Variants in MICU1 observed in about 807,000 individuals in gnomAD.
MICU1 encodes the protein calcium uptake protein 1, mitochondrial.
Under a neutral mutation model 56.8 loss-of-function variants are expected in MICU1, and 45 were observed. The ratio of observed to expected loss-of-function variants is 0.79; its 90% CI spans 0.62 to 1.02. The LOEUF (loss-of-function observed/expected upper bound fraction) is 1.02. MICU1 is among the 50% of genes least tolerant of loss of function. The pLI is 0.00. For missense variants in MICU1, 504 were observed against 587.1 expected, an observed-to-expected ratio of 0.86 and a Z score of 1.46; for synonymous variants, 186 against 195.1, an observed-to-expected ratio of 0.95 and a Z score of 0.39.
chr10:72,563,499 C>T (rs1840349906), intron 2 of MICU1, among the ~76,000 whole-genome samples: 1 of 152,132 alleles, frequency 6.6e-6, no homozygotes, highest in Non-Finnish European at 1.5e-5. Flanking sequence ...TGTATGACTT[C>T]ACTTACATGA....
At chr10:72,545,548 A>T (rs971423845) in intron 4 of MICU1, among the ~76,000 whole-genome samples, 6 of 152,222 alleles carry the variant, frequency 3.9e-5, no homozygotes, top group Admixed American at 3.9e-4. Context: ...GAGTTAAATT[A>T]TTATGTAAGA....
chr10:72,610,790 C>G (rs1841823341), intron 1 of MICU1, among the ~76,000 whole-genome samples: 1 of 152,158 alleles, frequency 6.6e-6, no homozygotes, highest in Non-Finnish European at 1.5e-5. Context: ...AAGGCAGCCT[C>G]TTGGAGCATA....
chr10:72,426,120 T>C (rs771239782), intron 8 of MICU1, among the ~76,000 whole-genome samples: 29 of 152,182 alleles, frequency 1.9e-4, no homozygotes, highest in Admixed American at 8.5e-4. Flanking sequence ...TGGGTTCAAG[T>C]GATTCTCCTG....
At chr10:72,486,510 C>G (rs763126060) in intron 6 of MICU1, among the ~76,000 whole-genome samples, 1 of 152,142 alleles carries the variant, frequency 6.6e-6, no homozygotes, top group Non-Finnish European at 1.5e-5. Context: ...TTCATTCTGT[C>G]GCCCAGGCTG....
chr10:72,537,097 GCACT>G (rs1839656844), intron 4 of MICU1, among the ~76,000 whole-genome samples: 1 of 152,118 alleles, frequency 6.6e-6, no homozygotes, highest in Admixed American at 6.6e-5. Context: ...GGACAACCTG[GCACT>G]CACTGAGAAT....
intron 9 of MICU1, among the ~76,000 whole-genome samples, chr10:72,412,010 T>A (rs1301359027): frequency 6.6e-6 from 1 of 152,246 alleles, no homozygotes; most frequent in Non-Finnish European, 1.5e-5. Context: ...CACTTACTAA[T>A]CACTTATCAT....
At chr10:72,520,646 C>T (rs1867790466) in intron 5 of MICU1, among the ~76,000 whole-genome samples, 2 of 152,100 alleles carry the variant, frequency 1.3e-5, no homozygotes, top group South Asian at 4.1e-4. Flanking sequence ...GAGAACAATT[C>T]CAAATACCTG....
chr10:72,579,660 A>G (rs1840846438), intron 1 of MICU1, among the ~76,000 whole-genome samples: 1 of 152,158 alleles, frequency 6.6e-6, no homozygotes, highest in African/African-American at 2.4e-5. Flanking sequence ...GCTAATTGGT[A>G]GCATATAAAT....
rs529937153 is a variant in MICU1 at position 72,590,532 on chromosome 10, C to T, written c.-1-23738G>A. Among the ~76,000 whole-genome samples, 5 of 152,150 alleles carry T rather than the reference C, an allele frequency of 3.3e-5. No homozygotes were observed. In the South Asian group the frequency reaches 6.2e-4, roughly 19 times the overall value. ...ATAAGTAAGAAAACAGAAGACAGGTCGGGTGCAGTGGCTCACACCTGTAAT... is the reference window on the plus strand; with the variant it reads ...ATAAGTAAGAAAACAGAAGACAGGTTGGGTGCAGTGGCTCACACCTGTAAT... On this transcript the variant is annotated intron_variant, in intron 1 of 11. Transcript: ENST00000361114.
intron 8 of MICU1, among the ~76,000 whole-genome samples, chr10:72,451,846 G>T (rs987586990): frequency 1.3e-5 from 2 of 151,580 alleles, no homozygotes; most frequent in Admixed American, 6.6e-5. Flanking sequence ...CCTGGCCGAA[G>T]ATATTAACAT....
intron 10 of MICU1, among the ~76,000 whole-genome samples, chr10:72,402,832 G>A (rs1056723240): frequency 6.6e-6 from 1 of 152,030 alleles, no homozygotes; most frequent in Non-Finnish European, 1.5e-5. Context: ...CAGATTGCTT[G>A]AGCCCAGGAA....
intron 10 of MICU1, among the ~76,000 whole-genome samples, chr10:72,399,458 T>TAATA (rs1355673897): frequency 2.0e-5 from 3 of 151,904 alleles, no homozygotes; most frequent in East Asian, 1.9e-4. Context: ...ACTTGAAGTA[T>TAATA]AATAAATAAA....
In MICU1 at chr10:72,500,444, C is replaced by A. The variant is rs576461846; in HGVS notation, c.652+7711G>T. 2.7e-5 allele frequency among the ~76,000 whole-genome samples: 4 copies of A among 149,402 alleles called. No individual in the cohort carries two copies. In the South Asian group the frequency reaches 6.5e-4, roughly 24 times the overall value. On this transcript the variant is annotated intron_variant, in intron 6 of 11. Transcript: ENST00000361114. ...TTCAAGCGATTCTTGTTTCTCAGCT[C>A]CCTAATAGCTGGGATTACAGGTACT...
intron 9 of MICU1, among the ~76,000 whole-genome samples, chr10:72,412,925 A>T (rs1163232322): frequency 2.2e-5 from 3 of 135,070 alleles, no homozygotes; most frequent in African/African-American, 8.3e-5. Context: ...CACAGTGCAC[A>T]GTGGCTCATG....
intron 1 of MICU1, among the ~76,000 whole-genome samples, chr10:72,601,998 C>T (rs1406183911): frequency 1.3e-5 from 2 of 150,538 alleles, no homozygotes; most frequent in Non-Finnish European, 3.0e-5. Flanking sequence ...TGAGGTTTCA[C>T]CATATTGGCC....
intron 1 of MICU1, among the ~76,000 whole-genome samples, chr10:72,588,184 C>A (rs917141092): frequency 3.3e-5 from 5 of 152,104 alleles, no homozygotes; most frequent in African/African-American, 9.7e-5. Context: ...CCTGCTCTGG[C>A]CATGTGAAGA....
chr10:72,384,061 A>G (rs1489344986), intron 10 of MICU1, among the ~76,000 whole-genome samples: 1 of 151,892 alleles, frequency 6.6e-6, no homozygotes, highest in Non-Finnish European at 1.5e-5. Context: ...TAGTGAGGGC[A>G]CAGCTCACCA....
chr10:72,483,259 G>A (rs1204182288), intron 6 of MICU1: 1 of 152,360 alleles, frequency 6.6e-6, no homozygotes, highest in Non-Finnish European at 1.5e-5. Context: ...ACTTCCAGGA[G>A]ACCCCAGCTG....
chr10:72,496,515 T>A lies in MICU1; in HGVS notation c.652+11640A>T, dbSNP rs190595135. Among the ~76,000 whole-genome samples, 7 of 152,334 alleles carry A rather than the reference T, an allele frequency of 4.6e-5. 1 individual carries two copies. The highest frequency in any genetic ancestry group is 3.3e-4 in the Admixed American group (5 of 15,302). On this transcript the variant is annotated intron_variant, in intron 6 of 11. Transcript: ENST00000361114. Reference sequence around the variant, plus strand: ...TGGGGTTTCATTATGTTGGCCAGGCTGGTCTTGAACTCCTCACCTCAAGTG... The same window carrying A: ...TGGGGTTTCATTATGTTGGCCAGGCAGGTCTTGAACTCCTCACCTCAAGTG...
Sources: allele counts gnomAD v4.1 joint callset (sites outside exome capture counted in the v4.1 genomes callset), GRCh38; gene constraint gnomAD v4.1.1; transcripts MANE v1.5; gene names NCBI Gene and HGNC (gene_info 2026-07-23, HGNC 2026-07-21).